SOCS5: variants seen among roughly 807,000 people sequenced by gnomAD.
SOCS5 encodes CIS-6.
In SOCS5, 32 loss-of-function variants were observed where a neutral mutation model predicts 42.8. The ratio of observed to expected loss-of-function variants is 0.75; its 90% CI spans 0.56 to 1.01. The LOEUF is 1.01. SOCS5 is among the 50% of genes least tolerant of loss of function. The pLI is 0.00. For synonymous variants in SOCS5, 283 were observed against 229.6 expected, an observed-to-expected ratio of 1.23 and a Z score of -2.10; for missense variants, 627 against 653.0, an observed-to-expected ratio of 0.96 and a Z score of 0.43.
intron 1 of SOCS5, among the ~76,000 whole-genome samples, chr2:46,740,099 CTGAG>C (rs1254628467): frequency 6.6e-6 from 1 of 152,212 alleles, no homozygotes; most frequent in Non-Finnish European, 1.5e-5. Context: ...CATTTTGTCA[CTGAG>C]TAATTTCAGT....
At position 46,759,061 on chromosome 2, in the gene SOCS5, A is replaced by C. The variant is rs577577930; in HGVS notation, c.531A>C (p.Leu177=). 1.2e-5 allele frequency: 19 copies of C among 1,613,894 alleles called. No individual in the cohort carries two copies. The South Asian group carries it at 2.0e-4, about 17-fold the overall frequency. ...VSSRTVGSRS[L]RQRLQDTVGL... is the part of the protein sequence containing the mutation. ...GCAGAACTGTAGGAAGTCGCTCTCT[A>C]AGACAGAGGTTGCAGGATACTGTGG... The change falls in exon 2 of 2, where the codon CTA becomes CTC. Residue 177 remains leucine (L), a synonymous_variant. Coordinates refer to ENST00000394861, the MANE Select transcript of SOCS5 (RefSeq NM_144949.3).
rs568464369 is a variant in SOCS5 at position 46,737,892 on chromosome 2, C to T, written c.-12-20627C>T. 2.5e-3 allele frequency among the ~76,000 whole-genome samples: 385 copies of T among 152,134 alleles called. 8 individuals are homozygous for T. Among genetic ancestry groups the T allele is most frequent in the Non-Finnish European group, 3.1e-4 (21 of 67,990 alleles). On this transcript the variant is annotated intron_variant, in intron 1 of 1. Coordinates refer to ENST00000394861, the MANE Select transcript of SOCS5 (RefSeq NM_144949.3). ...AAAATTGGGATGTAAATTTCCATCC[C>T]TCTCCTATGTGCTTTGGGTTTTAAG...
chr2:46,715,043 A>C (rs138669526), intron 1 of SOCS5, among the ~76,000 whole-genome samples: 3 of 151,994 alleles, frequency 2.0e-5, no homozygotes, highest in Admixed American at 2.0e-4. Flanking sequence ...ATGCATTTTG[A>C]GTTGAAGTGT....
intron 1 of SOCS5, among the ~76,000 whole-genome samples, chr2:46,744,748 A>G (rs1673461322): frequency 1.3e-5 from 2 of 151,408 alleles, no homozygotes; most frequent in Admixed American, 1.3e-4. Context: ...GGCTGGTTTC[A>G]AACTCCTGAC....
intron 1 of SOCS5, among the ~76,000 whole-genome samples, chr2:46,739,847 AC>A (rs560531735): frequency 1.3e-5 from 2 of 152,216 alleles, no homozygotes; most frequent in Non-Finnish European, 2.9e-5. Flanking sequence ...TTGTGCATAT[AC>A]TATTCCATTG....
chr2:46,751,009 A>G (rs1404997642), intron 1 of SOCS5, among the ~76,000 whole-genome samples: 1 of 152,190 alleles, frequency 6.6e-6, no homozygotes, highest in East Asian at 1.9e-4. Context: ...AATAATTAAT[A>G]TACTGTTCTA....
Position 46,759,538 on chromosome 2 carries a change from G to T in SOCS5, c.1008G>T (p.Arg336=). Residue 336 remains arginine, a synonymous_variant, in exon 2 of 2, where the codon CGG becomes CGT. Coordinates refer to ENST00000394861, the MANE Select transcript of SOCS5 (RefSeq NM_144949.3). ...CAACCACCCTGTGTTTGCAGTCACGGAGGCAGAAGCAGCGTCAGATATCTG... is the reference window on the plus strand; with the variant it reads ...CAACCACCCTGTGTTTGCAGTCACGTAGGCAGAAGCAGCGTCAGATATCTG... ...EDTTTLCLQS[R]RQKQRQISGD... is the part of the protein sequence containing the mutation. 6.2e-7 allele frequency: 1 copy of T among 1,613,984 alleles called. No individual in the cohort carries two copies. The highest frequency in any genetic ancestry group is 8.5e-7 in the Non-Finnish European group (1 of 1,179,864).
At chr2:46,739,031 G>A (rs375681314) in intron 1 of SOCS5, among the ~76,000 whole-genome samples, 3 of 152,268 alleles carry the variant, frequency 2.0e-5, no homozygotes, top group Admixed American at 6.5e-5. Context: ...TATTTAACAC[G>A]TTTAATTTTT....
At chr2:46,719,964 T>C (rs1411034047) in intron 1 of SOCS5, among the ~76,000 whole-genome samples, 1 of 152,152 alleles carries the variant, frequency 6.6e-6, no homozygotes, top group Non-Finnish European at 1.5e-5. Context: ...ATTTAAAAAA[T>C]TTATATTAAG....
chr2:46,742,751 T>C (rs570860312), intron 1 of SOCS5, among the ~76,000 whole-genome samples: 1 of 152,142 alleles, frequency 6.6e-6, no homozygotes, highest in Non-Finnish European at 1.5e-5. Flanking sequence ...CTGCATCCTC[T>C]GCCTCCCAGG....
rs370456653 is a variant in SOCS5 at position 46,759,493 on chromosome 2, T to G, written c.963T>G (p.Asn321Lys). ...SGDSSAIPQA[N>K]CDSEEDTTTL... The stretch of plus-strand genomic sequence containing the variant: ...ACAGTTCTGCAATTCCACAAGCTAA[T>G]TGTGACTCGGAAGAGGATACAACCA... The change falls in exon 2 of 2, where the codon AAT becomes AAG. Residue 321 changes from asparagine (N) to lysine (K), a missense_variant. Physicochemically the swap from Asn to Lys is moderately conservative, Grantham distance 94. Coordinates refer to ENST00000394861, the MANE Select transcript of SOCS5 (RefSeq NM_144949.3). 19 of 1,614,010 alleles carry G rather than the reference T, an allele frequency of 1.2e-5. No homozygotes were observed. In the African/African-American group the frequency reaches 1.7e-4, roughly 15 times the overall value.
At position 46,759,811 on chromosome 2, in the gene SOCS5, T is replaced by A; in HGVS notation, c.1281T>A (p.His427Gln). 6.2e-7 allele frequency: 1 copy of A among 1,614,210 alleles called. No individual in the cohort carries two copies. The highest frequency in any genetic ancestry group is 8.5e-7 in the Non-Finnish European group (1 of 1,180,036). ...VSFRRYNRSL[H>Q]ARIEQWNHNF... ...TCCGCCGCTACAACAGATCCCTGCA[T>A]GCCCGAATTGAGCAGTGGAATCACA... The change falls in exon 2 of 2, where the codon CAT becomes CAA. Residue 427 changes from histidine (H) to glutamine (Q), a missense_variant. Coordinates refer to ENST00000394861, the MANE Select transcript of SOCS5 (RefSeq NM_144949.3).
intron 1 of SOCS5, among the ~76,000 whole-genome samples, chr2:46,702,358 T>G (rs1035781309): frequency 2.0e-5 from 3 of 152,228 alleles, no homozygotes; most frequent in African/African-American, 7.2e-5. Flanking sequence ...TTGCTCTCCT[T>G]CCTCTGCTTA....
chr2:46,708,221 G>A (rs1333303875), intron 1 of SOCS5, among the ~76,000 whole-genome samples: 2 of 152,192 alleles, frequency 1.3e-5, no homozygotes, highest in Non-Finnish European at 2.9e-5. Flanking sequence ...GGAAACAAGA[G>A]CACTGCTGAT....
At chr2:46,746,201 A>G (rs930565566) in intron 1 of SOCS5, among the ~76,000 whole-genome samples, 1 of 152,118 alleles carries the variant, frequency 6.6e-6, no homozygotes, top group Non-Finnish European at 1.5e-5. Flanking sequence ...GGCAGTGGAG[A>G]TGGAGAAGAG....
At chr2:46,710,598 A>T (rs1672596866) in intron 1 of SOCS5, among the ~76,000 whole-genome samples, 1 of 152,220 alleles carries the variant, frequency 6.6e-6, no homozygotes, top group Non-Finnish European at 1.5e-5. Flanking sequence ...CAAACTAAAT[A>T]TAGAAGAGAA....
intron 1 of SOCS5, among the ~76,000 whole-genome samples, chr2:46,713,040 A>G (rs1408649550): frequency 6.6e-6 from 1 of 152,168 alleles, no homozygotes; most frequent in Non-Finnish European, 1.5e-5. Flanking sequence ...AAAGTTCTTA[A>G]TTAAGGAATT....
Position 46,699,685 on chromosome 2 carries a change from T to C in SOCS5, c.-13+236T>C, listed in dbSNP as rs1362322798. Among the ~76,000 whole-genome samples, 1 of 152,136 alleles carries C rather than the reference T, an allele frequency of 6.6e-6. No homozygotes were observed. Among genetic ancestry groups the C allele is most frequent in the East Asian group, 1.9e-4 (1 of 5,178 alleles). ...AGACCACGCCGCTCACAGTGGGAGC[T>C]TGCGCTTAGTAGGCTCTCGATGCAT... On this transcript the variant is annotated intron_variant, in intron 1 of 1. Coordinates refer to ENST00000394861, the MANE Select transcript of SOCS5 (RefSeq NM_144949.3). This position sits in a 1 kb window ranked among gnomAD's most constrained non-coding sequence, Gnocchi z 4.8.
At chr2:46,745,493 A>G (rs533219294) in intron 1 of SOCS5, among the ~76,000 whole-genome samples, 1 of 152,340 alleles carries the variant, frequency 6.6e-6, no homozygotes, top group South Asian at 2.1e-4. Context: ...ATTATACATT[A>G]GGATTTTTCT....
Sources: gnomAD v4.1 joint callset for allele counts (sites outside exome capture counted in the v4.1 genomes callset) on GRCh38, gnomAD v4.1.1 for gene constraint, Gnocchi (gnomAD v3.1) non-coding constraint, MANE v1.5 for transcripts, NCBI Gene and HGNC (gene_info 2026-07-23, HGNC 2026-07-21) for gene names.